Variants in ADAM33 observed in about 807,000 individuals in gnomAD.
ADAM33 encodes ADAM metallopeptidase domain 33.
In ADAM33, 103 loss-of-function variants were observed where a neutral mutation model predicts 106.2. The ratio of observed to expected loss-of-function variants is 0.97; its 90% confidence interval spans 0.83 to 1.14. The LOEUF (loss-of-function observed/expected upper bound fraction) is 1.14, where lower values mean the gene tolerates loss of function less well. Ranked by LOEUF, ADAM33 falls within the 50% of genes most tolerant of loss-of-function variation. ADAM33 has a pLI of 0.00. For synonymous variants in ADAM33, 483 were observed against 453.0 expected, an observed-to-expected ratio of 1.07 and a Z score of -0.84; for missense variants, 1,120 against 1,096.6, an observed-to-expected ratio of 1.02 and a Z score of -0.30.
Position 3,673,596 on chromosome 20 carries a change from T to C in ADAM33, c.968A>G (p.Glu323Gly). The C allele has an allele frequency of 7.3e-7, 1 of 1,372,788 alleles. No homozygotes were observed. Among genetic ancestry groups the C allele is most frequent in the Non-Finnish European group, 9.3e-7 (1 of 1,070,472 alleles). The allele number at this position is 1,372,788 out of a possible 1,614,324, so 85.0% of individuals were successfully genotyped here. A position where few individuals can be genotyped will look rare whatever the true frequency, so the allele number is the denominator to read the frequency against. ...CACCGTGCTCACGCCTCCCGAGCTCTCGGCGCGGCACATGCCCTCGACGGG... is the reference window on the plus strand; with the variant it reads ...CACCGTGCTCACGCCTCCCGAGCTCCCGGCGCGGCACATGCCCTCGACGGG... Reference protein sequence around the residue: ...LAPVEGMCRAESSGGVSTDHS... With the variant: ...LAPVEGMCRAGSSGGVSTDHS... Residue 323 changes from glutamate to glycine, a missense_variant, in exon 10 of 22, where the codon GAG becomes GGG. Glu to Gly is a moderately conservative substitution (Grantham distance 98, BLOSUM62 -2). Coordinates refer to ENST00000356518, the MANE Select transcript of ADAM33 (RefSeq NM_025220.5).
chr20:3,680,028 C>G (rs765921982), intron 1 of ADAM33, among the ~76,000 whole-genome samples: 1 of 152,172 alleles, frequency 6.6e-6, no homozygotes, highest in Non-Finnish European at 1.5e-5. Flanking sequence ...CAGATGTTGC[C>G]TTGCGAGGTC....
intron 19 of ADAM33, chr20:3,670,740 A>G: frequency 2.2e-6 from 1 of 451,390 alleles, no homozygotes. Context: ...TGGTGGGAGA[A>G]GCAGGAGAGT....
chr20:3,672,238 T>C lies in ADAM33; in HGVS notation c.1493A>G (p.Asp498Gly). ...CTGTSSHCPP[D>G]VYLLDGSPCA... ...GGGTGAGCCGTCCAGTAGGTAAACGTCTGGGGGACAGTGGGAGGAGGTGCC... is the reference window on the plus strand; with the variant it reads ...GGGTGAGCCGTCCAGTAGGTAAACGCCTGGGGGACAGTGGGAGGAGGTGCC... The change falls in exon 14 of 22, where the codon GAC becomes GGC. Residue 498 changes from aspartate to glycine, a missense_variant. By Grantham distance (94) the Asp-to-Gly change is moderately conservative. Transcript: ENST00000356518. 1 of 1,613,388 alleles carries C rather than the reference T, an allele frequency of 6.2e-7. No individual in the cohort carries two copies. The highest frequency in any genetic ancestry group is 8.5e-7 in the Non-Finnish European group (1 of 1,180,012).
At chr20:3,681,579 G>A (rs2088498746) in intron 1 of ADAM33, among the ~76,000 whole-genome samples, 1 of 149,810 alleles carries the variant, frequency 6.7e-6, no homozygotes, top group Admixed American at 6.7e-5. Context: ...GTGAGAGCGA[G>A]AATCCAGGAA....
At chr20:3,669,219 G>T in intron 21 of ADAM33, 80 bp downstream of exon 21, 1 of 1,357,408 alleles carries the variant, frequency 7.4e-7, no homozygotes, top group Non-Finnish European at 1.0e-6. Context: ...ACCTGATTAG[G>T]GGGCAGCAAA....
chr20:3,674,010 T>C, intron 8 of ADAM33, 54 bp downstream of exon 8: 1 of 1,612,068 alleles, frequency 6.2e-7, no homozygotes, highest in Non-Finnish European at 8.5e-7. Flanking sequence ...CACCAGCACC[T>C]GCCTGTCCTG....
At chr20:3,673,123 C>G (rs2087668176) in intron 11 of ADAM33, 1 of 1,461,888 alleles carries the variant, frequency 6.8e-7, no homozygotes, top group African/African-American at 1.4e-5. Context: ...GTGCTCCTCC[C>G]GGTGTAGGAG....
chr20:3,673,146 G>T (rs968304509), intron 11 of ADAM33: 29 of 1,483,868 alleles, frequency 2.0e-5, no homozygotes, highest in Non-Finnish European at 2.6e-5. Flanking sequence ...ACCTCGCCAG[G>T]TTACTCGGAA....
In ADAM33 at chr20:3,671,599, G is replaced by A. The variant is rs1314965633; in HGVS notation, c.1887C>T (p.Thr629=). The change falls in exon 16 of 22, where the codon ACC becomes ACT. Residue 629 remains threonine, a synonymous_variant. Coordinates refer to ENST00000356518, the MANE Select transcript of ADAM33 (RefSeq NM_025220.5). ...AGCTCACCATTCTAGGTCCACACTG[G>A]GTGCCTGGCTCTACCAGGCCCAGGC... is the stretch of plus-strand genomic sequence containing the variant. ...LLGLGLVEPG[T]QCGPRMVCQS... The A allele has an allele frequency of 6.3e-7, 1 of 1,589,626 alleles. No homozygotes were observed. Among genetic ancestry groups the A allele is most frequent in the Non-Finnish European group, 8.6e-7 (1 of 1,167,788 alleles).
In ADAM33 at chr20:3,674,808, G is replaced by A; in HGVS notation, c.375C>T (p.Asp125=). 3.7e-6 allele frequency: 6 copies of A among 1,611,490 alleles called. No homozygotes were observed. Among genetic ancestry groups the A allele is most frequent in the Non-Finnish European group, 5.1e-6 (6 of 1,178,566 alleles). ...HYQGRVRGFP[D]SWVVLCTCSG... ...AGCAGGTGCAGAGGACTACCCAGGA[G>A]TCGGGGAAGCCCCTTACTCGCCCTT... is the stretch of plus-strand genomic sequence containing the variant. Residue 125 remains aspartate, a synonymous_variant, in exon 5 of 22, where the codon GAC becomes GAT. Transcript: ENST00000356518.
intron 19 of ADAM33, among the ~76,000 whole-genome samples, 162 bp downstream of exon 19, chr20:3,670,844 C>A (rs955636934): frequency 2.0e-5 from 3 of 152,164 alleles, no homozygotes; most frequent in Admixed American, 1.3e-4. Context: ...TGGGAGGCCA[C>A]TGGAACCTCC....
At chr20:3,672,415 G>A in intron 13 of ADAM33, 86 bp from the exon 14 acceptor site, 1 of 1,577,020 alleles carries the variant, frequency 6.3e-7, no homozygotes, top group Non-Finnish European at 8.6e-7. Context: ...CGGAGCTGGG[G>A]GAGCCAGGCC....
chr20:3,673,278 A>G, intron 11 of ADAM33, 76 bp downstream of exon 11: 2 of 1,534,316 alleles, frequency 1.3e-6, no homozygotes, highest in South Asian at 2.4e-5. Context: ...AAACTGAGGG[A>G]CGACCAAAGA....
chr20:3,672,916 G>A lies in ADAM33; in HGVS notation c.1134-18C>T. On this transcript the variant is annotated intron_variant, in intron 11 of 21. Transcript: ENST00000356518. The stretch of plus-strand genomic sequence containing the variant: ...ACGGGTGCCTACCGGCACGGGGAGG[G>A]CATTGGGCATGGAGGGACAGTCCCC... 4 of 1,547,180 alleles carry A rather than the reference G, an allele frequency of 2.6e-6. No homozygotes were observed. The highest frequency in any genetic ancestry group is 2.3e-5 in the East Asian group (1 of 43,864).
intron 1 of ADAM33, among the ~76,000 whole-genome samples, chr20:3,681,609 G>GGGGA (rs2088504566): frequency 6.6e-6 from 1 of 152,064 alleles, no homozygotes; most frequent in Admixed American, 6.5e-5. Flanking sequence ...ACGGCTATGG[G>GGGGA]CTGGGGGCTG....
chr20:3,672,556 T>A lies in ADAM33; in HGVS notation c.1382A>T (p.Asp461Val), dbSNP rs1251372337. The part of the protein sequence containing the change: ...LRPGAQCAHG[D>V]CCVRCLLKPA... ...CCTCACCAGGCAGCGCACGCAGCAG[T>A]CCCCGTGGGCGCACTGGGCCCCCGG... is the stretch of plus-strand genomic sequence containing the variant. Residue 461 changes from aspartate to valine, a missense_variant, in exon 13 of 22, where the codon GAC (aspartate) becomes GTC (valine). By Grantham distance (152) the Asp-to-Val change is radical. Transcript: ENST00000356518. The A allele has an allele frequency of 6.2e-7, 1 of 1,613,300 alleles. No individual in the cohort carries two copies. Among genetic ancestry groups the A allele is most frequent in the African/African-American group, 1.3e-5 (1 of 74,932 alleles).
At position 3,679,555 on chromosome 20, in the gene ADAM33, C is replaced by T. The variant is rs780425323; in HGVS notation, c.114G>A (p.Gln38=). 6.2e-7 allele frequency: 1 copy of T among 1,609,382 alleles called. No individual in the cohort carries two copies. The highest frequency in any genetic ancestry group is 8.5e-7 in the Non-Finnish European group (1 of 1,178,038). Residue 38 remains glutamine (Q), a synonymous_variant, in exon 2 of 22, where the codon CAG becomes CAA. Transcript: ENST00000356518. Reference sequence around the variant, plus strand: ...CCAGGACCCAGTGCGGGGTGACTGGCTGCCCAGGGATATGTCCTGGAGTAA... The same window carrying T: ...CCAGGACCCAGTGCGGGGTGACTGGTTGCCCAGGGATATGTCCTGGAGTAA... ...AGVLQGHIPG[Q]PVTPHWVLDG...
chr20:3,673,189 C>A, intron 11 of ADAM33, 165 bp downstream of exon 11: 1 of 1,523,408 alleles, frequency 6.6e-7, no homozygotes, highest in South Asian at 1.2e-5. Flanking sequence ...ATCCACTTTG[C>A]CTGAGCTTCT....
At chr20:3,677,922 C>T (rs562424995) in intron 2 of ADAM33, among the ~76,000 whole-genome samples, 29 of 152,360 alleles carry the variant, frequency 1.9e-4, no homozygotes, top group Non-Finnish European at 3.7e-4. Flanking sequence ...CCAGGAGCTT[C>T]CTGGGAGGCT....
Sources: gnomAD v4.1 joint callset for allele counts (sites outside exome capture counted in the v4.1 genomes callset) on GRCh38, gnomAD v4.1.1 for gene constraint, MANE v1.5 for transcripts, NCBI Gene and HGNC (gene_info 2026-07-23, HGNC 2026-07-21) for gene names.